KIRREL3: variants seen among roughly 807,000 people sequenced by gnomAD.
The protein encoded by KIRREL3 is kirre like nephrin family adhesion molecule 3.
A neutral mutation model predicts 89.7 loss-of-function variants in KIRREL3; 36 were observed. The ratio of observed to expected loss-of-function variants is 0.40; its 90% CI spans 0.31 to 0.53. The LOEUF is 0.53. Among genes scored for constraint, KIRREL3 ranks in the 20% least tolerant of loss-of-function variants. KIRREL3 has a pLI of 0.49. For missense variants in KIRREL3, 864 were observed against 1,056.6 expected, an observed-to-expected ratio of 0.82 and a Z score of 2.53; for synonymous variants, 445 against 441.4, an observed-to-expected ratio of 1.01 and a Z score of -0.10.
rs971380702 is a variant in KIRREL3, at chr11:126,830,139, C to T, written c.55+170316G>A. Among the ~76,000 whole-genome samples the T allele has an allele frequency of 2.0e-5, 3 of 152,314 alleles. No individual in the cohort carries two copies. The highest frequency in any genetic ancestry group is 4.8e-5 in the African/African-American group (2 of 41,570). On this transcript the variant is annotated intron_variant, in intron 1 of 16. Coordinates refer to ENST00000525144, the MANE Select transcript of KIRREL3 (RefSeq NM_032531.4). The surrounding 1 kb of genome is among the most constrained non-coding windows in gnomAD (Gnocchi z 4.9). ...ATCCCCTTACTGCTGGAAATCACATCGCTGGCTTACCTGGAAGTTGTTCAT... is the reference window on the plus strand; with the variant it reads ...ATCCCCTTACTGCTGGAAATCACATTGCTGGCTTACCTGGAAGTTGTTCAT...
intron 1 of KIRREL3, among the ~76,000 whole-genome samples, chr11:126,834,938 C>T (rs907876046): frequency 2.6e-5 from 4 of 152,230 alleles, no homozygotes; most frequent in African/African-American, 9.6e-5. Context: ...CCAACAAACA[C>T]AGGACAACAA....
At position 126,490,407 on chromosome 11, in the gene KIRREL3, C is replaced by T. The variant is rs1206813965; in HGVS notation, c.434-16941G>A. Reference sequence around the variant, plus strand: ...GTGAGCCAGGTTATTGGAAATAGACCATGTAGGCCTGTGTTCCACGGGTGC... The same window carrying T: ...GTGAGCCAGGTTATTGGAAATAGACTATGTAGGCCTGTGTTCCACGGGTGC... On this transcript the variant is annotated intron_variant, in intron 4 of 16. Coordinates refer to ENST00000525144, the MANE Select transcript of KIRREL3 (RefSeq NM_032531.4). This position sits in a 1 kb window ranked among gnomAD's most constrained non-coding sequence, Gnocchi z 4.2. Among the ~76,000 whole-genome samples the T allele has an allele frequency of 2.6e-5, 4 of 151,950 alleles. No homozygotes were observed. Among genetic ancestry groups the T allele is most frequent in the South Asian group, 4.2e-4 (2 of 4,812 alleles).
intron 1 of KIRREL3, among the ~76,000 whole-genome samples, chr11:126,660,390 C>A (rs1034103921): frequency 2.0e-5 from 3 of 152,222 alleles, no homozygotes; most frequent in African/African-American, 7.2e-5. Flanking sequence ...GAGACGTAGG[C>A]ACATGTTCAC....
rs1446052345 is a variant in KIRREL3, at chr11:126,430,777, G to T, written c.1696+642C>A. Among the ~76,000 whole-genome samples the T allele has an allele frequency of 6.6e-6, 1 of 152,140 alleles. No homozygotes were observed. The highest frequency in any genetic ancestry group is 1.9e-4 in the East Asian group (1 of 5,194). ...GACAGGCCTGGAATAACTGTGGCTG[G>T]CCCAGGGTCATGTGGCAGAAGAGGT... On this transcript the variant is annotated intron_variant, in intron 14 of 16. Transcript: ENST00000525144. This position sits in a 1 kb window ranked among gnomAD's most constrained non-coding sequence, Gnocchi z 6.6.
intron 1 of KIRREL3, among the ~76,000 whole-genome samples, chr11:126,829,415 G>T (rs940518649): frequency 6.6e-6 from 1 of 152,100 alleles, no homozygotes; most frequent in Non-Finnish European, 1.5e-5. Context: ...TGGTTAAAAA[G>T]ATCTTTTTGA....
chr11:126,707,239 T>C (rs1281519613), intron 1 of KIRREL3, among the ~76,000 whole-genome samples: 2 of 137,718 alleles, frequency 1.5e-5, no homozygotes, highest in Non-Finnish European at 3.0e-5. Context: ...AGACACCTTG[T>C]CCATGGCTTT....
chr11:126,534,476 A>C (rs560736790), intron 2 of KIRREL3, among the ~76,000 whole-genome samples: 1 of 152,114 alleles, frequency 6.6e-6, no homozygotes, highest in East Asian at 1.9e-4. Flanking sequence ...GCCGCCTGGA[A>C]GGTAGGTCAT....
Position 126,605,608 on chromosome 11 carries a change from G to A in KIRREL3, c.56-42696C>T, listed in dbSNP as rs956112317. 6.6e-6 allele frequency among the ~76,000 whole-genome samples: 1 copy of A among 152,232 alleles called. No individual in the cohort carries two copies. Among genetic ancestry groups the A allele is most frequent in the Non-Finnish European group, 1.5e-5 (1 of 68,046 alleles). On this transcript the variant is annotated intron_variant, in intron 1 of 16. Transcript: ENST00000525144. This position sits in a 1 kb window ranked among gnomAD's most constrained non-coding sequence, Gnocchi z 5.7. Reference sequence around the variant, plus strand: ...TTCATTTCCCAGAGACAACCGGCGCGTTTTAATAATGTCTACTTGGGTTAA... The same window carrying A: ...TTCATTTCCCAGAGACAACCGGCGCATTTTAATAATGTCTACTTGGGTTAA...
At chr11:126,435,230 C>G (rs765630035) in intron 13 of KIRREL3, 38 bp downstream of exon 13, 3 of 1,611,150 alleles carry the variant, frequency 1.9e-6, no homozygotes, top group Non-Finnish European at 2.5e-6. Flanking sequence ...AGTCCCTTCC[C>G]CCCTTCCCAG....
At chr11:126,839,957 T>C (rs558731976) in intron 1 of KIRREL3, among the ~76,000 whole-genome samples, 2 of 152,312 alleles carry the variant, frequency 1.3e-5, no homozygotes, top group South Asian at 2.1e-4. Flanking sequence ...GTGCATTCTA[T>C]ACTCTTGATT....
At chr11:126,840,638 T>C (rs1592206170) in intron 1 of KIRREL3, among the ~76,000 whole-genome samples, 1 of 152,206 alleles carries the variant, frequency 6.6e-6, no homozygotes, top group Admixed American at 6.5e-5. Context: ...TTAAATCGCA[T>C]GCCATTCTGG....
Position 126,812,766 on chromosome 11 carries a change from A to T in KIRREL3, c.55+187689T>A, listed in dbSNP as rs76433329. ...AGACCAAGGCTCAGGCAATCAAGCA[A>T]TGCATTTCAATCAACTTCTACAATG... On this transcript the variant is annotated intron_variant, in intron 1 of 16. Transcript: ENST00000525144. This position sits in a 1 kb window ranked among gnomAD's most constrained non-coding sequence, Gnocchi z 5.2. Among the ~76,000 whole-genome samples, 747 of 152,258 alleles carry T rather than the reference A, an allele frequency of 4.9e-3. 5 individuals carry two copies. The highest frequency in any genetic ancestry group is 0.017 in the African/African-American group (724 of 41,554).
rs10699844 is a variant in KIRREL3, at chr11:126,755,878, C to CAGAGAG, written c.56-192972_56-192967dup. On this transcript the variant is annotated intron_variant, in intron 1 of 16. Coordinates refer to ENST00000525144, the MANE Select transcript of KIRREL3 (RefSeq NM_032531.4). The surrounding 1 kb of genome is among the most constrained non-coding windows in gnomAD (Gnocchi z 4.3). ...GAGGGAGAGAGGGAGAGAGAAAAAA[C>CAGAGAG]AGAGAGAGAGAGAGAGAGAGAAGAC... Among the ~76,000 whole-genome samples the CAGAGAG allele has an allele frequency of 7.4e-3, 1,103 of 148,824 alleles. 8 individuals are homozygous for CAGAGAG. The highest frequency in any genetic ancestry group is 0.03 in the South Asian group (142 of 4,670).
chr11:126,444,876 G>A, intron 10 of KIRREL3, 103 bp downstream of exon 10: 2 of 1,492,508 alleles, frequency 1.3e-6, no homozygotes, highest in Non-Finnish European at 1.8e-6. Flanking sequence ...TGACAGCAAG[G>A]CCCAGAGCCA....
At position 126,477,997 on chromosome 11, in the gene KIRREL3, G is replaced by C. The variant is rs922843900; in HGVS notation, c.434-4531C>G. On this transcript the variant is annotated intron_variant, in intron 4 of 16. Transcript: ENST00000525144. This position sits in a 1 kb window ranked among gnomAD's most constrained non-coding sequence, Gnocchi z 4.8. Reference sequence around the variant, plus strand: ...ATCACCAACACCAAACCCTCCAGGGGCTTCCCGCTGAAGGAGAGTAGGTGT... The same window carrying C: ...ATCACCAACACCAAACCCTCCAGGGCCTTCCCGCTGAAGGAGAGTAGGTGT... Among the ~76,000 whole-genome samples the C allele has an allele frequency of 6.6e-6, 1 of 152,214 alleles. No individual in the cohort carries two copies. Among genetic ancestry groups the C allele is most frequent in the Admixed American group, 6.5e-5 (1 of 15,282 alleles).
In KIRREL3 at chr11:126,463,326, G is replaced by A; in HGVS notation, c.592-19C>T. 1 of 1,607,026 alleles carries A rather than the reference G, an allele frequency of 6.2e-7. No homozygotes were observed. The highest frequency in any genetic ancestry group is 1.3e-5 in the African/African-American group (1 of 74,970). ...GCAGGGTCTTGGGAGAAAGGGAAAG[G>A]GGAGAGAAAGCTCCATGTCGCTTGG... On this transcript the variant is annotated intron_variant, in intron 5 of 16. Coordinates refer to ENST00000525144, the MANE Select transcript of KIRREL3 (RefSeq NM_032531.4). The surrounding 1 kb of genome is among the most constrained non-coding windows in gnomAD (Gnocchi z 5.9).
rs190170561 is a variant in KIRREL3 at position 126,476,846 on chromosome 11, C to G, written c.434-3380G>C. 6.6e-6 allele frequency among the ~76,000 whole-genome samples: 1 copy of G among 152,182 alleles called. No individual in the cohort carries two copies. The highest frequency in any genetic ancestry group is 1.5e-5 in the Non-Finnish European group (1 of 68,038). On this transcript the variant is annotated intron_variant, in intron 4 of 16. Transcript: ENST00000525144. The surrounding 1 kb of genome is among the most constrained non-coding windows in gnomAD (Gnocchi z 6.4). ...GGGGAGGAAGTTTCAGAGTGGTCCC[C>G]GCTTGGAGATGTATTATTCATCACC... is the stretch of plus-strand genomic sequence containing the variant.
At chr11:126,699,916 G>C (rs375058647) in intron 1 of KIRREL3, among the ~76,000 whole-genome samples, 2 of 152,204 alleles carry the variant, frequency 1.3e-5, no homozygotes, top group South Asian at 2.1e-4. Flanking sequence ...AAATAAGGCC[G>C]GACATGGAGG....
intron 10 of KIRREL3, among the ~76,000 whole-genome samples, chr11:126,444,127 A>G (rs955859589): frequency 2.1e-4 from 32 of 152,170 alleles, no homozygotes; most frequent in African/African-American, 6.3e-4. Flanking sequence ...TTGTCCCTAC[A>G]TATTTCATGT....
Sources: gnomAD v4.1 joint callset for allele counts (sites outside exome capture counted in the v4.1 genomes callset) on GRCh38, gnomAD v4.1.1 for gene constraint, Gnocchi (gnomAD v3.1) non-coding constraint, MANE v1.5 for transcripts, NCBI Gene and HGNC (gene_info 2026-07-23, HGNC 2026-07-21) for gene names.